PDSS2: variants seen among roughly 807,000 people sequenced by gnomAD.
PDSS2 encodes the protein decaprenyl diphosphate synthase subunit 2.
In PDSS2, 31 loss-of-function variants were observed where a neutral mutation model predicts 44.5. The observed-to-expected ratio is 0.70, with a 90% CI of 0.52 to 0.94. The LOEUF (loss-of-function observed/expected upper bound fraction) is 0.94. PDSS2 is among the 40% of genes least tolerant of loss of function. The pLI, the probability that PDSS2 is intolerant of heterozygous loss-of-function variation, is 0.00. For synonymous variants in PDSS2, 157 were observed against 180.3 expected, an observed-to-expected ratio of 0.87 and a Z score of 1.03; for missense variants, 452 against 482.2, an observed-to-expected ratio of 0.94 and a Z score of 0.59.
chr6:107,296,482 T>C (rs1231614328), intron 2 of PDSS2, among the ~76,000 whole-genome samples: 1 of 152,198 alleles, frequency 6.6e-6, no homozygotes, highest in Non-Finnish European at 1.5e-5. Flanking sequence ...TCCCAGCACT[T>C]TGGGAGGCTG....
chr6:107,361,164 T>A (rs555006699), intron 1 of PDSS2, among the ~76,000 whole-genome samples: 1 of 152,332 alleles, frequency 6.6e-6, no homozygotes, highest in Non-Finnish European at 1.5e-5. Flanking sequence ...TTCTCATTTT[T>A]AAAAAGTAAA....
At chr6:107,319,842 C>T (rs568505430) in intron 2 of PDSS2, among the ~76,000 whole-genome samples, 3 of 152,270 alleles carry the variant, frequency 2.0e-5, no homozygotes, top group Admixed American at 2.0e-4. Flanking sequence ...CCTGACAATT[C>T]TGATTTTTCA....
At chr6:107,192,244 C>T (rs73523779) in intron 7 of PDSS2, 50 of 371,874 alleles carry the variant, frequency 1.3e-4, no homozygotes, top group South Asian at 1.0e-3. Flanking sequence ...CCTTGGTTTA[C>T]AGGTGCTCCT....
intron 1 of PDSS2, among the ~76,000 whole-genome samples, chr6:107,403,676 C>T (rs541611046): frequency 1.1e-4 from 16 of 152,348 alleles, no homozygotes; most frequent in East Asian, 3.9e-4. Context: ...CCAAGACTTG[C>T]GGCCTGCACC....
chr6:107,282,870 A>G (rs1292658198), intron 2 of PDSS2, among the ~76,000 whole-genome samples: 1 of 145,310 alleles, frequency 6.9e-6, no homozygotes, highest in African/African-American at 2.5e-5. Context: ...CTCCGTCTCA[A>G]AAAAAAAAAA....
At chr6:107,155,981 C>T (rs1770879761) in intron 7 of PDSS2, among the ~76,000 whole-genome samples, 1 of 147,824 alleles carries the variant, frequency 6.8e-6, no homozygotes, top group Admixed American at 6.8e-5. Flanking sequence ...CCTCCGCCTC[C>T]CGGATTCAAG....
At chr6:107,261,907 CTTTTTT>C (rs58274022) in intron 3 of PDSS2, among the ~76,000 whole-genome samples, 1 of 117,104 alleles carries the variant, frequency 8.5e-6, no homozygotes, top group Non-Finnish European at 1.7e-5. Flanking sequence ...TCTTTCTTTT[CTTTTTT>C]TTTTTTTTTT....
intron 4 of PDSS2, among the ~76,000 whole-genome samples, chr6:107,232,962 T>G (rs1401472447): frequency 6.6e-6 from 1 of 151,968 alleles, no homozygotes; most frequent in Non-Finnish European, 1.5e-5. Flanking sequence ...GCCACAGGCA[T>G]GTACCACCAT....
Position 107,334,198 on chromosome 6 carries a change from C to T in PDSS2, c.431G>A (p.Cys144Tyr). Residue 144 changes from cysteine to tyrosine, a missense_variant and splice_region_variant, in exon 2 of 8, where the codon TGT becomes TAT. Physicochemically the swap from Cys to Tyr is radical, Grantham distance 194. Coordinates refer to ENST00000369037, the MANE Select transcript of PDSS2 (RefSeq NM_020381.4). Reference sequence around the variant, plus strand: ...TGTCAAAAGACTAAATTCTTCTTACCATGAGTAGATCCCACTGACCATGTC... The same window carrying T: ...TGTCAAAAGACTAAATTCTTCTTACTATGAGTAGATCCCACTGACCATGTC... The part of the protein sequence containing the change: ...NYDMVSGIYS[C>Y]QRSLAEITEL... The T allele has an allele frequency of 6.2e-7, 1 of 1,613,534 alleles. No homozygotes were observed. Among genetic ancestry groups the T allele is most frequent in the Non-Finnish European group, 8.5e-7 (1 of 1,179,738 alleles).
At chr6:107,381,304 AAT>A (rs2114464610) in intron 1 of PDSS2, among the ~76,000 whole-genome samples, 1 of 152,324 alleles carries the variant, frequency 6.6e-6, no homozygotes, top group East Asian at 1.9e-4. Flanking sequence ...TGAGACAGAA[AAT>A]AGTTTTAAAT....
At chr6:107,429,580 TGAA>T (rs1221754548) in intron 1 of PDSS2, among the ~76,000 whole-genome samples, 1 of 151,894 alleles carries the variant, frequency 6.6e-6, no homozygotes, top group East Asian at 1.9e-4. Context: ...ATAGCGGCCA[TGAA>T]GAAGAATATA....
At chr6:107,228,684 G>A (rs1189565053) in intron 4 of PDSS2, among the ~76,000 whole-genome samples, 1 of 148,832 alleles carries the variant, frequency 6.7e-6, no homozygotes, top group African/African-American at 2.5e-5. Context: ...GACAGAGGGA[G>A]ACTCTATCTC....
intron 1 of PDSS2, among the ~76,000 whole-genome samples, chr6:107,441,290 A>G (rs1781502428): frequency 6.6e-6 from 1 of 152,212 alleles, no homozygotes; most frequent in Admixed American, 6.5e-5. Context: ...GAAATTAGTC[A>G]CACAGTCACA....
In PDSS2 at chr6:107,368,581, C is replaced by T. The variant is rs148300970; in HGVS notation, c.297-34249G>A. 1.4e-3 allele frequency among the ~76,000 whole-genome samples: 211 copies of T among 152,252 alleles called. 3 individuals carry two copies. Among genetic ancestry groups the T allele is most frequent in the African/African-American group, 4.8e-3 (199 of 41,538 alleles). Reference sequence around the variant, plus strand: ...AGAAATTGATAATGTGGGCCAGTCACGGCAGCTCACACTTGTAATCCCACC... The same window carrying T: ...AGAAATTGATAATGTGGGCCAGTCATGGCAGCTCACACTTGTAATCCCACC... On this transcript the variant is annotated intron_variant, in intron 1 of 7. Coordinates refer to ENST00000369037, the MANE Select transcript of PDSS2 (RefSeq NM_020381.4).
rs143820898 is a variant in PDSS2, at chr6:107,256,464, T to C, written c.631-10845A>G. On this transcript the variant is annotated intron_variant, in intron 3 of 7. Coordinates refer to ENST00000369037, the MANE Select transcript of PDSS2 (RefSeq NM_020381.4). ...TTCACTTTCCAGCTCAAGCAGTTCCTCTTCAAATTGGGCCACACTAAAAGG... is the reference window on the plus strand; with the variant it reads ...TTCACTTTCCAGCTCAAGCAGTTCCCCTTCAAATTGGGCCACACTAAAAGG... Among the ~76,000 whole-genome samples the C allele has an allele frequency of 1.1e-3, 162 of 152,296 alleles. 1 individual carries two copies. The East Asian group carries it at 0.026, about 24-fold the overall frequency.
In PDSS2 at chr6:107,385,924, T is replaced by C. The variant is rs1380160492; in HGVS notation, c.297-51592A>G. ...TAATTTCCAGAAAAATACAGTAACA[T>C]GTCTATAGAAAAATCATATGTAGGA... On this transcript the variant is annotated intron_variant, in intron 1 of 7. Coordinates refer to ENST00000369037, the MANE Select transcript of PDSS2 (RefSeq NM_020381.4). 2.6e-5 allele frequency among the ~76,000 whole-genome samples: 4 copies of C among 152,116 alleles called. No individual in the cohort carries two copies. The East Asian group carries it at 7.7e-4, about 29-fold the overall frequency.
At chr6:107,340,042 T>TAAA (rs75113713) in intron 1 of PDSS2, among the ~76,000 whole-genome samples, 1 of 102,904 alleles carries the variant, frequency 9.7e-6, no homozygotes. Flanking sequence ...TAATAGTCAA[T>TAAA]AAAAAAAAAA....
chr6:107,376,674 T>C (rs1308780784), intron 1 of PDSS2, among the ~76,000 whole-genome samples: 2 of 152,026 alleles, frequency 1.3e-5, no homozygotes, highest in Non-Finnish European at 2.9e-5. Flanking sequence ...ACAATGGGGT[T>C]TTCTAGATAT....
chr6:107,332,290 G>C (rs1321758985), intron 2 of PDSS2, among the ~76,000 whole-genome samples: 2 of 151,838 alleles, frequency 1.3e-5, no homozygotes, highest in African/African-American at 4.8e-5. Context: ...ATTTTTTGTA[G>C]CGACTGGGTT....
Sources: gnomAD v4.1 joint callset for allele counts (sites outside exome capture counted in the v4.1 genomes callset) on GRCh38, gnomAD v4.1.1 for gene constraint, MANE v1.5 for transcripts, NCBI Gene and HGNC (gene_info 2026-07-23, HGNC 2026-07-21) for gene names.